C1QTNF3: variants seen among roughly 807,000 people sequenced by gnomAD.
C1QTNF3 encodes C1q and TNF related 3, also known as complement C1q tumor necrosis factor-related protein 3.
Under a neutral mutation model 32.6 loss-of-function variants are expected in C1QTNF3, and 26 were observed. The observed-to-expected ratio is 0.80, with a 90% CI of 0.58 to 1.11. C1QTNF3 has a LOEUF of 1.11. Ranked by LOEUF, C1QTNF3 falls within the 50% of genes least tolerant of loss-of-function variation. The pLI, the probability that C1QTNF3 is intolerant of heterozygous loss-of-function variation, is 0.00. For synonymous variants in C1QTNF3, 155 were observed against 146.0 expected, an observed-to-expected ratio of 1.06 and a Z score of -0.44; for missense variants, 362 against 398.2, an observed-to-expected ratio of 0.91 and a Z score of 0.77.
the C1QTNF3 span, among the ~76,000 whole-genome samples, chr5:34,215,148 AT>A: frequency 6.6e-6 from 1 of 152,196 alleles, no homozygotes; most frequent in African/African-American, 2.4e-5. Context: ...AGTAAAGAAT[AT>A]TTTGGTGCAG....
At chr5:34,070,611 A>G in the C1QTNF3 span, among the ~76,000 whole-genome samples, 2 of 152,124 alleles carry the variant, frequency 1.3e-5, no homozygotes, top group African/African-American at 4.8e-5. Flanking sequence ...TGTTAAATGT[A>G]CCATTATGTA....
chr5:34,222,376 C>A, the C1QTNF3 span, among the ~76,000 whole-genome samples: 1 of 151,566 alleles, frequency 6.6e-6, no homozygotes, highest in Admixed American at 6.6e-5. Context: ...CTCTTGCAGA[C>A]AATAATAATG....
At chr5:34,121,776 G>A in the C1QTNF3 span, among the ~76,000 whole-genome samples, 1 of 152,154 alleles carries the variant, frequency 6.6e-6, no homozygotes, top group Non-Finnish European at 1.5e-5. Context: ...CCAAAATGAT[G>A]GTATAAGGAG....
At chr5:34,071,504 C>A in the C1QTNF3 span, among the ~76,000 whole-genome samples, 1 of 151,852 alleles carries the variant, frequency 6.6e-6, no homozygotes, top group Non-Finnish European at 1.5e-5. Context: ...AATTATTTCC[C>A]TATTATATCG....
chr5:34,106,968 T>C, the C1QTNF3 span, among the ~76,000 whole-genome samples: 2 of 101,728 alleles, frequency 2.0e-5, no homozygotes, highest in Non-Finnish European at 3.9e-5. Flanking sequence ...TAATTTGTTT[T>C]ATTATAAATA....
chr5:34,136,636 A>G, the C1QTNF3 span, among the ~76,000 whole-genome samples: 1 of 152,244 alleles, frequency 6.6e-6, no homozygotes, highest in African/African-American at 2.4e-5. Context: ...TGACTCAGCA[A>G]TCACATTACT....
At chr5:34,214,118 T>C in the C1QTNF3 span, among the ~76,000 whole-genome samples, 88 of 151,806 alleles carry the variant, frequency 5.8e-4, no homozygotes, top group African/African-American at 1.7e-3. Flanking sequence ...TTTGTCTTTA[T>C]AAATCTTATA....
chr5:34,024,325 T>C, intron 4 of C1QTNF3: 1 of 261,338 alleles, frequency 3.8e-6, no homozygotes, highest in Non-Finnish European at 7.6e-6. Flanking sequence ...TTCCTGGGCA[T>C]AGGTTAGCGA....
In C1QTNF3 at chr5:34,026,838, T is replaced by G. The variant is rs555854759; in HGVS notation, c.700+1916A>C. The stretch of plus-strand genomic sequence containing the variant: ...CAATACTCTCCAAGAAAAAATGTTG[T>G]CATGTAGTAGATGAAAAATGTAGCC... On this transcript the variant is annotated intron_variant, in intron 4 of 5. Transcript: ENST00000382065. Among the ~76,000 whole-genome samples the G allele has an allele frequency of 4.9e-3, 749 of 152,338 alleles. 4 individuals carry two copies. Among genetic ancestry groups the G allele is most frequent in the African/African-American group, 7.8e-3 (325 of 41,570 alleles).
At chr5:34,133,500 C>T in the C1QTNF3 span, among the ~76,000 whole-genome samples, 1 of 152,156 alleles carries the variant, frequency 6.6e-6, no homozygotes. Flanking sequence ...CCCCAAAGTG[C>T]TGCGGGGAAT....
the C1QTNF3 span, among the ~76,000 whole-genome samples, chr5:34,223,087 T>C: frequency 6.6e-6 from 1 of 151,546 alleles, no homozygotes; most frequent in Non-Finnish European, 1.5e-5. Context: ...GTTACATATG[T>C]ATACATGTGC....
chr5:34,069,343 T>A, the C1QTNF3 span, among the ~76,000 whole-genome samples: 1 of 151,834 alleles, frequency 6.6e-6, no homozygotes, highest in African/African-American at 2.4e-5. Context: ...TATTAAATTA[T>A]ACATCTAGCA....
At chr5:34,139,165 T>G in the C1QTNF3 span, among the ~76,000 whole-genome samples, 1 of 151,938 alleles carries the variant, frequency 6.6e-6, no homozygotes, top group Admixed American at 6.5e-5. Context: ...TATATTTGAA[T>G]GTAAATATGT....
upstream of C1QTNF3, among the ~76,000 whole-genome samples, chr5:34,047,389 C>T (rs553681939): frequency 8.5e-5 from 13 of 152,326 alleles, no homozygotes; most frequent in South Asian, 2.5e-3. Flanking sequence ...CAAAGGAGGC[C>T]GTTATAAGAT....
chr5:34,085,446 G>A, the C1QTNF3 span, among the ~76,000 whole-genome samples: 2 of 151,402 alleles, frequency 1.3e-5, no homozygotes, highest in South Asian at 2.1e-4. Context: ...TGACAGGCTT[G>A]CCAAAGACCA....
the C1QTNF3 span, among the ~76,000 whole-genome samples, chr5:34,130,940 C>T: frequency 6.6e-6 from 1 of 152,200 alleles, no homozygotes; most frequent in African/African-American, 2.4e-5. Flanking sequence ...TGAGAGAACA[C>T]AGCATACTTT....
chr5:34,213,793 A>G, the C1QTNF3 span, among the ~76,000 whole-genome samples: 4 of 5,026 alleles, frequency 8.0e-4, no homozygotes, highest in South Asian at 0.01. Context: ...ATACATATAT[A>G]TATATATATA....
intron 4 of C1QTNF3, among the ~76,000 whole-genome samples, chr5:34,025,398 A>G (rs913409693): frequency 2.0e-5 from 3 of 152,242 alleles, no homozygotes; most frequent in African/African-American, 7.2e-5. Flanking sequence ...TGTTAGAAAG[A>G]GGAGACTAAA....
Position 34,023,983 on chromosome 5 carries a change from C to G in C1QTNF3, c.726G>C (p.Met242Ile). The G allele has an allele frequency of 6.2e-7, 1 of 1,614,116 alleles. No individual in the cohort carries two copies. Among genetic ancestry groups the G allele is most frequent in the Non-Finnish European group, 8.5e-7 (1 of 1,180,002 alleles). Reference protein sequence around the residue: ...VSGVYFFTFSMMKHEDVEEVY... With the variant: ...VSGVYFFTFSIMKHEDVEEVY... ...CTTCCTCAACATCCTCATGCTTCAT[C>G]ATGCTGAAGGTGAAGAAATACACAC... is the stretch of plus-strand genomic sequence containing the variant. The change falls in exon 5 of 6, where the codon ATG (methionine) becomes ATC (isoleucine). Residue 242 changes from methionine (M) to isoleucine (I), a missense_variant. Coordinates refer to ENST00000382065, the MANE Select transcript of C1QTNF3 (RefSeq NM_181435.6).
Sources: allele counts gnomAD v4.1 joint callset (sites outside exome capture counted in the v4.1 genomes callset), GRCh38; gene constraint gnomAD v4.1.1; transcripts MANE v1.5; gene names NCBI Gene and HGNC (gene_info 2026-07-23, HGNC 2026-07-21).